The following RAB3C variants were observed in gnomAD, a reference collection of about 807,000 sequenced individuals.
RAB3C encodes the protein RAB3C, member RAS oncogene family.
Under a neutral mutation model 26.4 loss-of-function variants are expected in RAB3C, and 17 were observed. The ratio of observed to expected loss-of-function variants is 0.64; its 90% CI spans 0.44 to 0.97. RAB3C has a LOEUF of 0.97. Ranked by LOEUF, RAB3C falls within the 50% of genes least tolerant of loss-of-function variation. RAB3C has a pLI of 0.00. For synonymous variants in RAB3C, 91 were observed against 95.9 expected, an observed-to-expected ratio of 0.95 and a Z score of 0.30; for missense variants, 242 against 281.9, an observed-to-expected ratio of 0.86 and a Z score of 1.01.
At chr5:58,711,576 G>A (rs1178072619) in intron 2 of RAB3C, among the ~76,000 whole-genome samples, 2 of 152,116 alleles carry the variant, frequency 1.3e-5, no homozygotes, top group Admixed American at 6.5e-5. Context: ...GAATAAAAAA[G>A]CAGAGGGAGT....
At chr5:58,757,301 T>C (rs2111970924) in intron 3 of RAB3C, among the ~76,000 whole-genome samples, 1 of 151,466 alleles carries the variant, frequency 6.6e-6, no homozygotes, top group South Asian at 2.1e-4. Context: ...TGGTACAGGA[T>C]CCAGTCTGTC....
intron 3 of RAB3C, among the ~76,000 whole-genome samples, chr5:58,759,148 G>A (rs292952): frequency 3.3e-5 from 5 of 152,072 alleles, no homozygotes; most frequent in South Asian, 4.1e-4. Context: ...GTACATTTCA[G>A]TGAAGGATAC....
intron 3 of RAB3C, among the ~76,000 whole-genome samples, chr5:58,764,860 T>G (rs1480832849): frequency 1.3e-5 from 2 of 152,216 alleles, no homozygotes; most frequent in Non-Finnish European, 2.9e-5. Context: ...TCAATGATCT[T>G]TATTCTCATA....
At chr5:58,803,742 GTCTGTTC>G (rs1335932981) in intron 3 of RAB3C, among the ~76,000 whole-genome samples, 1 of 152,148 alleles carries the variant, frequency 6.6e-6, no homozygotes, top group Admixed American at 6.5e-5. Flanking sequence ...AAAGAACTCA[GTCTGTTC>G]TCTGGGCTTC....
In RAB3C at chr5:58,723,819, A is replaced by G. The variant is rs1028899542; in HGVS notation, c.253-2183A>G. Among the ~76,000 whole-genome samples the G allele has an allele frequency of 3.3e-5, 5 of 151,998 alleles. No individual in the cohort carries two copies. The East Asian group carries it at 9.7e-4, about 29-fold the overall frequency. On this transcript the variant is annotated intron_variant, in intron 2 of 4. Coordinates refer to ENST00000282878, the MANE Select transcript of RAB3C (RefSeq NM_138453.4). ...AGGCATCTCTGGGATAAGAGAGTCC[A>G]GATTGATGTCAGAAAGAAGATAATA...
chr5:58,727,582 G>A (rs975285723), intron 3 of RAB3C, among the ~76,000 whole-genome samples: 1 of 151,894 alleles, frequency 6.6e-6, no homozygotes, highest in Non-Finnish European at 1.5e-5. Context: ...ATCTATATGA[G>A]GATATAGTTG....
intron 2 of RAB3C, among the ~76,000 whole-genome samples, chr5:58,682,540 C>T (rs1348141127): frequency 3.3e-5 from 5 of 151,762 alleles, no homozygotes; most frequent in East Asian, 3.9e-4. Context: ...AAAAATTAGC[C>T]GGGCGTGGTG....
At chr5:58,657,573 C>T (rs187024663) in intron 2 of RAB3C, among the ~76,000 whole-genome samples, 53 of 152,186 alleles carry the variant, frequency 3.5e-4, no homozygotes, top group African/African-American at 1.3e-3. Context: ...GCAGGAAGGT[C>T]ACTAGCATTT....
At chr5:58,766,761 G>C (rs1370436119) in intron 3 of RAB3C, among the ~76,000 whole-genome samples, 6 of 152,136 alleles carry the variant, frequency 3.9e-5, no homozygotes, top group Admixed American at 3.9e-4. Context: ...TTAGATAAAG[G>C]CATGGTGCAG....
At chr5:58,674,721 T>C (rs1297601028) in intron 2 of RAB3C, among the ~76,000 whole-genome samples, 1 of 152,204 alleles carries the variant, frequency 6.6e-6, no homozygotes, top group African/African-American at 2.4e-5. Flanking sequence ...TTTAAGTGCA[T>C]AGAGGTCTTT....
At chr5:58,735,790 C>A (rs1741120117) in intron 3 of RAB3C, among the ~76,000 whole-genome samples, 2 of 152,286 alleles carry the variant, frequency 1.3e-5, no homozygotes, top group South Asian at 4.1e-4. Flanking sequence ...CTCTTGCACC[C>A]TTGTGTGTCA....
chr5:58,738,927 T>A (rs1741214415), intron 3 of RAB3C, among the ~76,000 whole-genome samples: 1 of 152,198 alleles, frequency 6.6e-6, no homozygotes, highest in South Asian at 2.1e-4. Context: ...GAGGGTAGAT[T>A]TGTCTTAAAG....
At chr5:58,798,941 A>T (rs1742739536) in intron 3 of RAB3C, among the ~76,000 whole-genome samples, 1 of 152,202 alleles carries the variant, frequency 6.6e-6, no homozygotes, top group African/African-American at 2.4e-5. Context: ...AAAAAATGAA[A>T]AAGTTCGGGA....
intron 2 of RAB3C, among the ~76,000 whole-genome samples, chr5:58,697,167 C>G (rs927887972): frequency 6.6e-6 from 1 of 152,134 alleles, no homozygotes; most frequent in African/African-American, 2.4e-5. Context: ...TTTCTACCTT[C>G]ATTTCGTTAT....
intron 4 of RAB3C, 146 bp from the exon 5 acceptor site, chr5:58,851,018 G>T: frequency 1.6e-6 from 1 of 623,774 alleles, no homozygotes. Flanking sequence ...GGTACCTCAT[G>T]CCCACCTCTA....
chr5:58,615,983 CAG>C (rs1171544073), intron 1 of RAB3C, among the ~76,000 whole-genome samples: 1 of 92,640 alleles, frequency 1.1e-5, no homozygotes, highest in Non-Finnish European at 2.2e-5. Flanking sequence ...TACACACACA[CAG>C]ACACACACAC....
In RAB3C at chr5:58,663,245, G is replaced by A. The variant is rs559787713; in HGVS notation, c.252+45375G>A. ...AGAGAATTAAAATATTCAAATGATT[G>A]CTTTAATTTTTGCTTTTATCTGTAG... On this transcript the variant is annotated intron_variant, in intron 2 of 4. Coordinates refer to ENST00000282878, the MANE Select transcript of RAB3C (RefSeq NM_138453.4). Among the ~76,000 whole-genome samples, 38 of 149,302 alleles carry A rather than the reference G, an allele frequency of 2.5e-4. 1 individual carries two copies. In the South Asian group the frequency reaches 6.7e-3, roughly 26 times the overall value.
intron 2 of RAB3C, among the ~76,000 whole-genome samples, chr5:58,712,837 G>GTTTCTATTTTTA (rs1749090946): frequency 6.6e-6 from 1 of 151,934 alleles, no homozygotes; most frequent in Non-Finnish European, 1.5e-5. Context: ...GAATATTTTT[G>GTTTCTATTTTTA]TTTTTATTTT....
At chr5:58,742,483 G>A (rs1440324303) in intron 3 of RAB3C, among the ~76,000 whole-genome samples, 3 of 152,058 alleles carry the variant, frequency 2.0e-5, no homozygotes, top group African/African-American at 7.2e-5. Flanking sequence ...TAATCATGAC[G>A]TTTTTGATAG....
Sources: allele counts gnomAD v4.1 joint callset (sites outside exome capture counted in the v4.1 genomes callset), GRCh38; gene constraint gnomAD v4.1.1; transcripts MANE v1.5; gene names NCBI Gene and HGNC (gene_info 2026-07-23, HGNC 2026-07-21).